Variants in CCDC179 observed in about 807,000 individuals in gnomAD.
The protein encoded by CCDC179 is coiled-coil domain-containing protein 179.
A neutral mutation model predicts 12.0 loss-of-function variants in CCDC179; 17 were observed. The observed-to-expected ratio is 1.42, with a 90% CI of 0.97 to 2.13. The LOEUF (loss-of-function observed/expected upper bound fraction) is 2.13. Ranked by LOEUF, CCDC179 falls within the 30% of genes most tolerant of loss-of-function variation. The pLI, the probability that CCDC179 is intolerant of heterozygous loss-of-function variation, is 0.00. For missense variants in CCDC179, 83 were observed against 78.6 expected, an observed-to-expected ratio of 1.06 and a Z score of -0.21; for synonymous variants, 27 against 26.4, an observed-to-expected ratio of 1.02 and a Z score of -0.07.
chr11:22,857,333 T>G (rs1241864630), intron 3 of CCDC179, among the ~76,000 whole-genome samples: 3 of 151,570 alleles, frequency 2.0e-5, no homozygotes, highest in Non-Finnish European at 4.4e-5. Flanking sequence ...CGAGACAGAA[T>G]AGCGAGCTCG....
At position 22,847,347 on chromosome 11, in the gene CCDC179, C is replaced by T; in HGVS notation, c.*163G>A. 1 of 394,572 alleles carries T rather than the reference C, an allele frequency of 2.5e-6. No homozygotes were observed. Among genetic ancestry groups the T allele is most frequent in the Non-Finnish European group, 4.4e-6 (1 of 226,472 alleles). The allele number at this position is 394,572 out of a possible 1,614,324, so 24.4% of individuals were successfully genotyped here. ...GATGGCATTTAATAAAATTCTAGAG[C>T]CTGTAGCTTGGATATTAAATACTTG... On this transcript the variant is annotated 3_prime_UTR_variant, in exon 4 of 4. Coordinates refer to ENST00000532798, the MANE Select transcript of CCDC179 (RefSeq NM_001195637.2).
At chr11:22,854,718 GCACATA>G (rs1181377685) in intron 3 of CCDC179, among the ~76,000 whole-genome samples, 1 of 151,632 alleles carries the variant, frequency 6.6e-6, no homozygotes, top group African/African-American at 2.4e-5. Context: ...AACAGATAAG[GCACATA>G]CTAATTCGAC....
intron 2 of CCDC179, among the ~76,000 whole-genome samples, chr11:22,859,027 A>C (rs1190155492): frequency 1.3e-5 from 2 of 152,086 alleles, no homozygotes; most frequent in African/African-American, 2.4e-5. Flanking sequence ...TAGTGCACTT[A>C]TAGAGACACC....
At chr11:22,851,636 A>T (rs978601314) in intron 3 of CCDC179, among the ~76,000 whole-genome samples, 1 of 152,246 alleles carries the variant, frequency 6.6e-6, no homozygotes, top group African/African-American at 2.4e-5. Flanking sequence ...TGTTACATTC[A>T]TCAGAGAAGT....
intron 1 of CCDC179, among the ~76,000 whole-genome samples, chr11:22,859,769 G>A (rs1472620684): frequency 6.6e-6 from 1 of 152,152 alleles, no homozygotes; most frequent in African/African-American, 2.4e-5. Flanking sequence ...AGAGTATAGA[G>A]ATATATTCGG....
intron 3 of CCDC179, among the ~76,000 whole-genome samples, chr11:22,855,017 TA>T (rs1858501167): frequency 6.6e-6 from 1 of 151,710 alleles, no homozygotes; most frequent in African/African-American, 2.4e-5. Flanking sequence ...TAGTAATCCT[TA>T]ATGTGTTTGT....
chr11:22,856,822 T>C (rs1858539543), intron 3 of CCDC179, among the ~76,000 whole-genome samples: 1 of 151,548 alleles, frequency 6.6e-6, no homozygotes, highest in East Asian at 1.9e-4. Flanking sequence ...TAAACAATTA[T>C]AGTAAGATTA....
At chr11:22,854,806 C>T (rs947394871) in intron 3 of CCDC179, among the ~76,000 whole-genome samples, 3 of 151,666 alleles carry the variant, frequency 2.0e-5, no homozygotes, top group Non-Finnish European at 4.4e-5. Flanking sequence ...AAATACAATA[C>T]ACAACTGTAT....
intron 3 of CCDC179, among the ~76,000 whole-genome samples, chr11:22,849,879 T>G (rs1858330259): frequency 6.6e-6 from 1 of 152,052 alleles, no homozygotes; most frequent in South Asian, 2.1e-4. Context: ...AGAAAGAGAC[T>G]GGAAAACAGC....
rs556725361 is a variant in CCDC179 at position 22,858,014 on chromosome 11, G to A, written c.103C>T (p.Arg35Cys). Residue 35 changes from arginine (R) to cysteine (C), a missense_variant, in exon 3 of 4, where the codon CGT becomes TGT. Arg to Cys is a radical substitution (Grantham distance 180, BLOSUM62 -3). Transcript: ENST00000532798. ...EVTERQLANK[R>C]IQNMQHLKKE... ...TTTAGGTGTTGCATATTCTGAATAC[G>A]TTTATTTGCAAGCTTTAGAAAAATT... 54 of 1,502,010 alleles carry A rather than the reference G, an allele frequency of 3.6e-5. No individual in the cohort carries two copies. In the African/African-American group the frequency reaches 3.8e-4, roughly 11 times the overall value. The allele number at this position is 1,502,010 out of a possible 1,614,324, so 93.0% of individuals were successfully genotyped here.
At chr11:22,847,569 T>C in intron 3 of CCDC179, 48 bp from the exon 4 acceptor site, 2 of 1,067,462 alleles carry the variant, frequency 1.9e-6, no homozygotes, top group Non-Finnish European at 2.6e-6. Context: ...AATTAAAATT[T>C]ATATAAGGAA....
chr11:22,851,410 T>A (rs552987677), intron 3 of CCDC179, among the ~76,000 whole-genome samples: 2 of 152,286 alleles, frequency 1.3e-5, no homozygotes, highest in South Asian at 4.1e-4. Flanking sequence ...CTTTCTTCCA[T>A]GCTAATGGTA....
chr11:22,848,376 G>A (rs766187280), intron 3 of CCDC179, among the ~76,000 whole-genome samples: 1 of 152,032 alleles, frequency 6.6e-6, no homozygotes, highest in South Asian at 2.1e-4. Context: ...CCCGGGAGGC[G>A]GAGGTTGCAG....
chr11:22,851,985 C>T (rs117439056), intron 3 of CCDC179, among the ~76,000 whole-genome samples: 1,916 of 152,228 alleles, frequency 0.013, 52 homozygotes, highest in Admixed American at 0.07. Context: ...CAGAGCTCTC[C>T]GTTCTCTTTA....
In CCDC179 at chr11:22,849,825, C is replaced by T. The variant is rs375955256; in HGVS notation, c.196-2304G>A. 1.8e-4 allele frequency among the ~76,000 whole-genome samples: 28 copies of T among 151,924 alleles called. 1 individual carries two copies. Among genetic ancestry groups the T allele is most frequent in the East Asian group, 1.7e-3 (9 of 5,182 alleles). ...TCCCGTACCAAGAAAATTTAGGACA[C>T]GGACACACATGAGGAATTTAGGAGT... is the stretch of plus-strand genomic sequence containing the variant. On this transcript the variant is annotated intron_variant, in intron 3 of 3. Transcript: ENST00000532798.
chr11:22,859,679 A>C lies in CCDC179; in HGVS notation c.46-183T>G, dbSNP rs193090646. ...GTCAAGTTCAGAATAAAAACATCTA[A>C]GATAAAAATTGTGGTGGAAGATGGA... On this transcript the variant is annotated intron_variant, in intron 1 of 3. Transcript: ENST00000532798. Among the ~76,000 whole-genome samples, 185 of 152,370 alleles carry C rather than the reference A, an allele frequency of 1.2e-3. 1 individual carries two copies. Among genetic ancestry groups the C allele is most frequent in the African/African-American group, 4.2e-3 (176 of 41,590 alleles).
intron 3 of CCDC179, among the ~76,000 whole-genome samples, chr11:22,857,096 A>G (rs1489868398): frequency 6.6e-6 from 1 of 151,696 alleles, no homozygotes; most frequent in African/African-American, 2.4e-5. Context: ...GTTATTTCCA[A>G]ACTGATCCTT....
intron 3 of CCDC179, among the ~76,000 whole-genome samples, chr11:22,850,152 G>A (rs1241248748): frequency 1.3e-5 from 2 of 152,192 alleles, no homozygotes; most frequent in Non-Finnish European, 1.5e-5. Flanking sequence ...AGGGAAGATG[G>A]AGCTGTCATT....
intron 3 of CCDC179, among the ~76,000 whole-genome samples, chr11:22,848,493 T>G (rs1219126455): frequency 6.6e-6 from 1 of 152,158 alleles, no homozygotes; most frequent in Non-Finnish European, 1.5e-5. Flanking sequence ...AAAAATATTT[T>G]TTCAAACTTC....
Sources: gnomAD v4.1 joint callset for allele counts (sites outside exome capture counted in the v4.1 genomes callset) on GRCh38, gnomAD v4.1.1 for gene constraint, MANE v1.5 for transcripts, NCBI Gene and HGNC (gene_info 2026-07-23, HGNC 2026-07-21) for gene names.